ITIH2: variants seen among roughly 807,000 people sequenced by gnomAD.
ITIH2 encodes inter-alpha-trypsin inhibitor heavy chain H2.
In ITIH2, 103 loss-of-function variants were observed where a neutral mutation model predicts 104.4. The observed-to-expected ratio is 0.99, with a 90% confidence interval of 0.84 to 1.16. ITIH2 has a LOEUF of 1.16. Ranked by LOEUF, ITIH2 falls within the 50% of genes most tolerant of loss-of-function variation. The pLI is 0.00. For synonymous variants in ITIH2, 436 were observed against 435.4 expected (o/e 1.00, Z -0.02); for missense variants, 1,108 against 1,162.4 (o/e 0.95, Z 0.68).
chr10:7,730,079 C>A lies in ITIH2; in HGVS notation c.1407C>A (p.Asn469Lys). ...TTTTGAAGAGACTGTCCAATGAAAA[C>A]CATGGAATTGCACAAAGGATTTATG... ...YDFLKRLSNE[N>K]HGIAQRIYGN... Residue 469 changes from asparagine (N) to lysine (K), a missense_variant, in exon 12 of 21, where the codon AAC (asparagine) becomes AAA (lysine). Coordinates refer to ENST00000358415, the MANE Select transcript of ITIH2 (RefSeq NM_002216.3). 1 of 1,612,906 alleles carries A rather than the reference C, an allele frequency of 6.2e-7. No individual in the cohort carries two copies. The highest frequency in any genetic ancestry group is 8.5e-7 in the Non-Finnish European group (1 of 1,179,302).
intron 8 of ITIH2, among the ~76,000 whole-genome samples, chr10:7,723,023 C>T (rs1432078406): frequency 2.3e-5 from 3 of 132,098 alleles, no homozygotes; most frequent in South Asian, 2.5e-4. Context: ...AGTGGAGTGG[C>T]GTGCAGTGGA....
rs745436572 is a variant in ITIH2 at position 7,713,325 on chromosome 10, T to C, written c.467+40T>C. On this transcript the variant is annotated intron_variant, in intron 5 of 20. Transcript: ENST00000358415. ...AGCAAGGCTTGCCCTTGCCTCTCAATGACGGTTTCCTCTCCTACTTCCTTC... is the reference window on the plus strand; with the variant it reads ...AGCAAGGCTTGCCCTTGCCTCTCAACGACGGTTTCCTCTCCTACTTCCTTC... The C allele has an allele frequency of 2.7e-6, 4 of 1,501,510 alleles. No individual in the cohort carries two copies. The South Asian group carries it at 4.6e-5, about 17-fold the overall frequency. The allele number at this position is 1,501,510 out of a possible 1,614,324, so 93.0% of individuals were successfully genotyped here.
At position 7,717,794 on chromosome 10, in the gene ITIH2, C is replaced by T. The variant is rs1375320373; in HGVS notation, c.630+6C>T. 1 of 1,603,394 alleles carries T rather than the reference C, an allele frequency of 6.2e-7. No homozygotes were observed. The highest frequency in any genetic ancestry group is 1.3e-5 in the African/African-American group (1 of 74,690). ...GGCTGGCCAAACACTTAGAGGTAAG[C>T]CTGGATCTGTAGGGTGGGCAGTGAC... On this transcript the variant is annotated splice_donor_region_variant and intron_variant, in intron 6 of 20. Transcript: ENST00000358415.
At chr10:7,705,039 G>A (rs890014746) in intron 1 of ITIH2, 69 bp from the exon 2 acceptor site, 1 of 996,766 alleles carries the variant, frequency 1.0e-6, no homozygotes, top group African/African-American at 1.7e-5. Flanking sequence ...TCTGCACGTT[G>A]TGCACATGTA....
chr10:7,738,488 C>G, intron 15 of ITIH2, 133 bp from the exon 16 acceptor site: 1 of 972,964 alleles, frequency 1.0e-6, no homozygotes. Flanking sequence ...CGAGAGAACT[C>G]TGGAATAAAA....
intron 3 of ITIH2, 146 bp downstream of exon 3, chr10:7,707,379 T>C (rs1167877150): frequency 1.6e-6 from 1 of 634,926 alleles, no homozygotes; most frequent in East Asian, 2.7e-5. Flanking sequence ...TGCAAGTGTT[T>C]CTAAAATTCA....
intron 5 of ITIH2, 119 bp downstream of exon 5, chr10:7,713,404 C>T (rs1418457683): frequency 2.9e-6 from 2 of 691,440 alleles, no homozygotes; most frequent in African/African-American, 1.8e-5. Flanking sequence ...CAATGGCAAC[C>T]TCCTCAGAGC....
At position 7,735,038 on chromosome 10, in the gene ITIH2, G is replaced by A. The variant is rs201771256; in HGVS notation, c.1904G>A (p.Gly635Glu). ...TCGCTGGTGATCGAGAACGAGGCTG[G>A]GGATGAGCGCATGCTGGCGGATGCC... is the stretch of plus-strand genomic sequence containing the variant. ...LTSLVIENEA[G>E]DERMLADAPP... The change falls in exon 15 of 21, where the codon GGG (glycine) becomes GAG (glutamate). Residue 635 changes from glycine to glutamate, a missense_variant. Coordinates refer to ENST00000358415, the MANE Select transcript of ITIH2 (RefSeq NM_002216.3). 2.5e-6 allele frequency: 4 copies of A among 1,613,224 alleles called. No homozygotes were observed. The highest frequency in any genetic ancestry group is 1.3e-5 in the African/African-American group (1 of 75,064).
intron 15 of ITIH2, among the ~76,000 whole-genome samples, chr10:7,738,385 C>T (rs1229799592): frequency 2.0e-5 from 3 of 148,086 alleles, no homozygotes; most frequent in South Asian, 4.2e-4. Flanking sequence ...CCCTATAAAG[C>T]GGTTCCTCCC....
rs1434097896 is a variant in ITIH2 at position 7,743,129 on chromosome 10, C to T, written c.2096-17C>T. 1 of 1,156,214 alleles carries T rather than the reference C, an allele frequency of 8.6e-7. No individual in the cohort carries two copies. The highest frequency in any genetic ancestry group is 2.2e-5 in the Admixed American group (1 of 46,020). 71.6% of individuals were successfully genotyped at this position (1,156,214 alleles called of 1,614,324 possible). ...CTTTTAATGATTTTGTTTACGTTTT[C>T]TTTGTATATTTTCCAGTTGAAAATG... On this transcript the variant is annotated splice_polypyrimidine_tract_variant and intron_variant, in intron 16 of 20. Coordinates refer to ENST00000358415, the MANE Select transcript of ITIH2 (RefSeq NM_002216.3).
rs770958986 is a variant in ITIH2 at position 7,709,034 on chromosome 10, C to A, written c.205C>A (p.Gln69Lys). Reference sequence around the variant, plus strand: ...TTGCCAATTTCAGGAAGAGGTTGATCAAGTAACTCTTTATAGCTATAAAGT... The same window carrying A: ...TTGCCAATTTCAGGAAGAGGTTGATAAAGTAACTCTTTATAGCTATAAAGT... ...ESEEMMEEVD[Q>K]VTLYSYKVQS... Residue 69 changes from glutamine to lysine, a missense_variant, in exon 4 of 21, where the codon CAA becomes AAA. By Grantham distance (53) the Gln-to-Lys change is moderately conservative. Transcript: ENST00000358415. The A allele has an allele frequency of 6.2e-7, 1 of 1,613,706 alleles. No individual in the cohort carries two copies. The highest frequency in any genetic ancestry group is 8.5e-7 in the Non-Finnish European group (1 of 1,179,716).
At chr10:7,746,068 T>TAAAAAAAA (rs372266950) in intron 19 of ITIH2, among the ~76,000 whole-genome samples, 4 of 35,772 alleles carry the variant, frequency 1.1e-4, no homozygotes, top group African/African-American at 3.7e-4. Context: ...ATCTTAAATT[T>TAAAAAAAA]AAAAAAAAAA....
chr10:7,708,520 G>C (rs904919319), intron 3 of ITIH2, among the ~76,000 whole-genome samples: 6 of 152,146 alleles, frequency 3.9e-5, no homozygotes, highest in South Asian at 2.1e-4. Context: ...TTGTAATAGA[G>C]GAGATTAAAG....
In ITIH2 at chr10:7,717,612, G is replaced by T. The variant is rs1348951611; in HGVS notation, c.468-14G>T. 1 of 1,608,450 alleles carries T rather than the reference G, an allele frequency of 6.2e-7. No homozygotes were observed. The highest frequency in any genetic ancestry group is 1.3e-5 in the African/African-American group (1 of 74,822). On this transcript the variant is annotated splice_polypyrimidine_tract_variant and intron_variant, in intron 5 of 20. Coordinates refer to ENST00000358415, the MANE Select transcript of ITIH2 (RefSeq NM_002216.3). The stretch of plus-strand genomic sequence containing the variant: ...ATGTATCTGTTGACTTTTGTTGGGG[G>T]CTTTCACCTTTAGGAGCAGCGCTCT...
chr10:7,735,020 T>TGATCGAGAACGAGGCTGGG lies in ITIH2; in HGVS notation c.1890_1908dup (p.Glu637ArgfsTer7). 1 of 1,613,712 alleles carries TGATCGAGAACGAGGCTGGG rather than the reference T, an allele frequency of 6.2e-7. No individual in the cohort carries two copies. Among genetic ancestry groups the TGATCGAGAACGAGGCTGGG allele is most frequent in the Non-Finnish European group, 8.5e-7 (1 of 1,179,998 alleles). On this transcript the variant is annotated frameshift_variant, in exon 15 of 21. Transcript: ENST00000358415. LOFTEE classifies it high-confidence loss of function. Reference sequence around the variant, plus strand: ...ATTGTGACTCCGCTGACCTCGCTGGTGATCGAGAACGAGGCTGGGGATGAG... The same window carrying TGATCGAGAACGAGGCTGGG: ...ATTGTGACTCCGCTGACCTCGCTGGTGATCGAGAACGAGGCTGGGGATCGAGAACGAGGCTGGGGATGAG...
intron 1 of ITIH2, 31 bp from the exon 2 acceptor site, chr10:7,705,077 A>T (rs766219939): frequency 1.2e-5 from 18 of 1,475,140 alleles, no homozygotes; most frequent in Non-Finnish European, 1.7e-5. Context: ...TAATTAAAAA[A>T]AAAAAAGTTA....
At chr10:7,714,062 G>A (rs1338112441) in intron 5 of ITIH2, among the ~76,000 whole-genome samples, 1 of 151,158 alleles carries the variant, frequency 6.6e-6, no homozygotes, top group African/African-American at 2.4e-5. Context: ...ATCTAAGTAA[G>A]ACCTGGGAAT....
rs1834956479 is a variant in ITIH2 at position 7,726,961 on chromosome 10, A to C, written c.996A>C (p.Ala332=). 1.9e-6 allele frequency: 3 copies of C among 1,610,780 alleles called. No homozygotes were observed. The highest frequency in any genetic ancestry group is 1.7e-5 in the Admixed American group (1 of 59,648). The stretch of plus-strand genomic sequence containing the variant: ...CTCTATTGAAATAGACTGTGGAAGC[A>C]ATGAAGACCATATTGGATGACCTCA... ...WGVKMKQTVE[A]MKTILDDLRA... Residue 332 remains alanine (A), a synonymous_variant, in exon 10 of 21, where the codon GCA becomes GCC. Transcript: ENST00000358415.
At chr10:7,703,586 C>T (rs1007415756) in intron 1 of ITIH2, 68 bp downstream of exon 1, 33 of 971,056 alleles carry the variant, frequency 3.4e-5, no homozygotes, top group Non-Finnish European at 4.8e-5. Context: ...CTATTGGAAT[C>T]GCTATTCAAT....
Sources: gnomAD v4.1 joint callset for allele counts (sites outside exome capture counted in the v4.1 genomes callset) on GRCh38, gnomAD v4.1.1 for gene constraint, MANE v1.5 for transcripts, NCBI Gene and HGNC (gene_info 2026-07-23, HGNC 2026-07-21) for gene names.